The following RBBP5 variants were observed in gnomAD, a reference collection of about 807,000 sequenced individuals.
The protein encoded by RBBP5 is RB binding protein 5, histone lysine methyltransferase complex subunit, also known as retinoblastoma-binding protein 5.
A neutral mutation model predicts 72.2 loss-of-function variants in RBBP5; 5 were observed. The ratio of observed to expected loss-of-function variants is 0.07; its 90% CI spans 0.04 to 0.15. RBBP5 has a LOEUF of 0.15. Ranked by LOEUF, RBBP5 falls within the 10% of genes least tolerant of loss-of-function variation. The pLI is 1.00. For synonymous variants in RBBP5, 209 were observed against 237.2 expected, an observed-to-expected ratio of 0.88 and a Z score of 1.09; for missense variants, 322 against 652.2, an observed-to-expected ratio of 0.49 and a Z score of 5.51.
chr1:205,113,059 C>T (rs2066305), intron 3 of RBBP5, among the ~76,000 whole-genome samples: 15,379 of 152,074 alleles, frequency 0.1, 1,426 homozygotes, highest in African/African-American at 0.24. Flanking sequence ...TTGCAGTGAA[C>T]TGTGATCGTG....
At chr1:205,121,729 C>T (rs939511341) in intron 1 of RBBP5, 126 bp downstream of exon 1, 2 of 1,459,222 alleles carry the variant, frequency 1.4e-6, no homozygotes, top group Admixed American at 3.4e-5. Flanking sequence ...TGCTCCACAT[C>T]AGGTGTGCCC....
intron 3 of RBBP5, among the ~76,000 whole-genome samples, chr1:205,113,267 T>C (rs1223831671): frequency 6.6e-6 from 1 of 151,472 alleles, no homozygotes; most frequent in Admixed American, 6.6e-5. Flanking sequence ...AACACACATA[T>C]TTTTAATAGG....
chr1:205,097,512 G>A (rs1655662412), intron 10 of RBBP5, 117 bp from the exon 11 acceptor site: 1 of 931,984 alleles, frequency 1.1e-6, no homozygotes, highest in African/African-American at 1.6e-5. Context: ...AAACCAAACA[G>A]TTCACTTCAC....
At chr1:205,089,620 T>C (rs1204710694) in intron 13 of RBBP5, among the ~76,000 whole-genome samples, 1 of 152,216 alleles carries the variant, frequency 6.6e-6, no homozygotes, top group Non-Finnish European at 1.5e-5. Flanking sequence ...ACTTTGATTT[T>C]TGAAGTTCCT....
At chr1:205,118,427 T>C (rs1046789970) in intron 1 of RBBP5, among the ~76,000 whole-genome samples, 2 of 151,566 alleles carry the variant, frequency 1.3e-5, no homozygotes, top group East Asian at 2.0e-4. Context: ...TGAGCCAACA[T>C]GGTGAAACCC....
chr1:205,089,858 T>C (rs1263242837), intron 13 of RBBP5, among the ~76,000 whole-genome samples: 1 of 152,184 alleles, frequency 6.6e-6, no homozygotes, highest in African/African-American at 2.4e-5. Flanking sequence ...TTTTATTTAT[T>C]TTTATTTTTT....
At chr1:205,120,984 C>T (rs773991722) in intron 1 of RBBP5, among the ~76,000 whole-genome samples, 2 of 152,154 alleles carry the variant, frequency 1.3e-5, no homozygotes, top group African/African-American at 4.8e-5. Context: ...AAACTCCCTG[C>T]TTAATGAAAA....
chr1:205,114,981 C>G lies in RBBP5; in HGVS notation c.46-20G>C, dbSNP rs893089104. ...AGCTTCCTAAAAATTGAAACAAATA[C>G]AAGAATAGAGGCAACAATAGCCAGG... is the stretch of plus-strand genomic sequence containing the variant. On this transcript the variant is annotated intron_variant, in intron 2 of 13. Transcript: ENST00000264515. 1 of 1,571,026 alleles carries G rather than the reference C, an allele frequency of 6.4e-7. No individual in the cohort carries two copies. Among genetic ancestry groups the G allele is most frequent in the South Asian group, 1.2e-5 (1 of 85,666 alleles).
At position 205,088,598 on chromosome 1, in the gene RBBP5, G is replaced by A; in HGVS notation, c.*189C>T. On this transcript the variant is annotated 3_prime_UTR_variant, in exon 14 of 14. Coordinates refer to ENST00000264515, the MANE Select transcript of RBBP5 (RefSeq NM_005057.4). ...TCTATTTGGACTTATGCTTGAAAGG[G>A]AAGGGAAGGTCGTATACTCTTCTTC... The A allele has an allele frequency of 1.8e-6, 1 of 559,776 alleles. No homozygotes were observed. The highest frequency in any genetic ancestry group is 3.4e-5 in the East Asian group (1 of 29,724). The allele number at this position is 559,776 out of a possible 1,614,324, so 34.7% of individuals were successfully genotyped here. A position where few individuals can be genotyped will look rare whatever the true frequency, so the allele number is the denominator to read the frequency against.
intron 13 of RBBP5, among the ~76,000 whole-genome samples, chr1:205,090,790 C>T (rs1158097398): frequency 6.6e-6 from 1 of 151,916 alleles, no homozygotes; most frequent in Non-Finnish European, 1.5e-5. Context: ...TTAATAACAT[C>T]CCACAGAGTG....
At chr1:205,114,511 A>G (rs934544785) in intron 3 of RBBP5, among the ~76,000 whole-genome samples, 8 of 152,204 alleles carry the variant, frequency 5.3e-5, no homozygotes, top group African/African-American at 1.9e-4. Flanking sequence ...TGAAAAGTCA[A>G]TATCACAATT....
intron 3 of RBBP5, among the ~76,000 whole-genome samples, chr1:205,109,635 C>A (rs1319142404): frequency 1.3e-5 from 2 of 152,074 alleles, no homozygotes; most frequent in East Asian, 3.9e-4. Context: ...TCTTTCACAG[C>A]AAGCTTGTAT....
chr1:205,103,869 G>A lies in RBBP5; in HGVS notation c.510C>T (p.Asn170=), dbSNP rs746302142. The change falls in exon 5 of 14, where the codon AAC becomes AAT. Residue 170 remains asparagine, a synonymous_variant. Coordinates refer to ENST00000264515, the MANE Select transcript of RBBP5 (RefSeq NM_005057.4). The part of the protein sequence containing the change: ...DRRGEYIYTG[N]AKGKILVLKT... ...CTTTTAGGCTTACCTTGCCTTTTGC[G>A]TTTCCCGTATAAATATATTCCCCTC... is the stretch of plus-strand genomic sequence containing the variant. 2.3e-5 allele frequency: 37 copies of A among 1,610,846 alleles called. No individual in the cohort carries two copies. The highest frequency in any genetic ancestry group is 5.0e-5 in the Admixed American group (3 of 60,000).
rs770290307 is a variant in RBBP5 at position 205,101,712 on chromosome 1, A to G, written c.523-3T>C. On this transcript the variant is annotated splice_region_variant and splice_polypyrimidine_tract_variant and intron_variant, in intron 5 of 13. Coordinates refer to ENST00000264515, the MANE Select transcript of RBBP5 (RefSeq NM_005057.4). ...GAATCTGTTTTTAGGACCAAAATCT[A>G]AAGTTTAAAGGAGGGGGGAAAAAAG... 8.1e-6 allele frequency: 13 copies of G among 1,603,310 alleles called. No homozygotes were observed.
At chr1:205,089,683 C>T (rs2151212321) in intron 13 of RBBP5, among the ~76,000 whole-genome samples, 1 of 152,250 alleles carries the variant, frequency 6.6e-6, no homozygotes, top group South Asian at 2.1e-4. Context: ...TGAGAACAGA[C>T]TAAAGTTACA....
chr1:205,093,487 T>A (rs1285782626), intron 13 of RBBP5, among the ~76,000 whole-genome samples: 330 of 4,684 alleles, frequency 0.07, 75 homozygotes, highest in South Asian at 0.42. Context: ...AAAATATATA[T>A]ATATATATAT....
chr1:205,116,329 C>T, intron 1 of RBBP5: 1 of 380,972 alleles, frequency 2.6e-6, no homozygotes, highest in South Asian at 1.9e-5. Flanking sequence ...TCAGTTTTAA[C>T]TTCTAAATTG....
intron 13 of RBBP5, among the ~76,000 whole-genome samples, chr1:205,093,509 TATATATATATATATATATATATATACAC>T (rs1284833722): frequency 0.011 from 61 of 5,794 alleles, 2 homozygotes; most frequent in African/African-American, 0.03. Context: ...TATATATATA[TATATATATATATATATATATATATACAC>T]ACACACACAC....
In RBBP5 at chr1:205,094,875, GT is replaced by G; in HGVS notation, c.1585del (p.Thr529GlnfsTer35). On this transcript the variant is annotated frameshift_variant, in exon 13 of 14. Coordinates refer to ENST00000264515, the MANE Select transcript of RBBP5 (RefSeq NM_005057.4). LOFTEE classifies it high-confidence loss of function. ...KVQAELSQPLTAGGAISELL is the reference protein window; with the variant it reads ...KVQAELSQPLXAGGAISELL ...CAATGCTCCCAATGTGTCCTTACCTGTCAAGGGCTGGCTGAGTTCCGCCTGC... is the reference window on the plus strand; with the variant it reads ...CAATGCTCCCAATGTGTCCTTACCTGCAAGGGCTGGCTGAGTTCCGCCTGC... 6.2e-7 allele frequency: 1 copy of G among 1,613,444 alleles called. No homozygotes were observed. Among genetic ancestry groups the G allele is most frequent in the East Asian group, 2.2e-5 (1 of 44,870 alleles).
Sources: gnomAD v4.1 joint callset for allele counts (sites outside exome capture counted in the v4.1 genomes callset) on GRCh38, gnomAD v4.1.1 for gene constraint, MANE v1.5 for transcripts, NCBI Gene and HGNC (gene_info 2026-07-23, HGNC 2026-07-21) for gene names.